CHMP1B: variants seen among roughly 807,000 people sequenced by gnomAD.
The protein encoded by CHMP1B is charged multivesicular body protein 1B.
CHMP1B carries 5 observed loss-of-function variants against 11.5 expected under a neutral mutation model. The observed-to-expected ratio is 0.43, with a 90% CI of 0.23 to 0.91. The LOEUF is 0.91. CHMP1B is among the 40% of genes least tolerant of loss of function. CHMP1B has a pLI of 0.25. For missense variants in CHMP1B, 246 were observed against 261.2 expected, an observed-to-expected ratio of 0.94 and a Z score of 0.40; for synonymous variants, 105 against 105.7, an observed-to-expected ratio of 0.99 and a Z score of 0.04.
rs773575712 is a variant in CHMP1B, at chr18:11,852,191, T to A, written c.*80T>A. 7.6e-6 allele frequency: 11 copies of A among 1,440,344 alleles called. No individual in the cohort carries two copies. The Admixed American group carries it at 8.3e-5, about 11-fold the overall frequency. The allele number at this position is 1,440,344 out of a possible 1,614,324, so 89.2% of individuals were successfully genotyped here. On this transcript the variant is annotated 3_prime_UTR_variant, in exon 1 of 1. Coordinates refer to ENST00000526991, the MANE Select transcript of CHMP1B (RefSeq NM_020412.5). ...TGTGTGTTAGAGAGATACTATACCC[T>A]AGAAACTCTGAACACGCCAGAATGC...
chr18:11,852,167 G>A lies in CHMP1B; in HGVS notation c.*56G>A, dbSNP rs2035889514. On this transcript the variant is annotated 3_prime_UTR_variant, in exon 1 of 1. Transcript: ENST00000526991. ...ATAGCCACCCTTTGAAATGCTCTCT[G>A]TGTGTTAGAGAGATACTATACCCTA... 1.3e-6 allele frequency: 2 copies of A among 1,489,324 alleles called. No individual in the cohort carries two copies. The highest frequency in any genetic ancestry group is 1.4e-5 in the African/African-American group (1 of 71,270). 92.3% of individuals were successfully genotyped at this position (1,489,324 alleles called of 1,614,324 possible). A position where few individuals can be genotyped will look rare whatever the true frequency, so the allele number is the denominator to read the frequency against.
At position 11,851,422 on chromosome 18, in the gene CHMP1B, G is replaced by A. The variant is rs2035860724; in HGVS notation, c.-90G>A. 1.4e-6 allele frequency: 2 copies of A among 1,411,804 alleles called. No homozygotes were observed. Among genetic ancestry groups the A allele is most frequent in the Non-Finnish European group, 9.3e-7 (1 of 1,075,942 alleles). 87.5% of individuals were successfully genotyped at this position (1,411,804 alleles called of 1,614,324 possible). A position where few individuals can be genotyped will look rare whatever the true frequency, so the allele number is the denominator to read the frequency against. ...AAACAGGAAGTGGGACCAAAACAAAGGAGCGGCGGCCGGGAGCGGACTTAC... is the reference window on the plus strand; with the variant it reads ...AAACAGGAAGTGGGACCAAAACAAAAGAGCGGCGGCCGGGAGCGGACTTAC... On this transcript the variant is annotated 5_prime_UTR_variant, in exon 1 of 1. Coordinates refer to ENST00000526991, the MANE Select transcript of CHMP1B (RefSeq NM_020412.5).
rs2035889514 is a variant in CHMP1B at position 11,852,167 on chromosome 18, G to C, written c.*56G>C. Reference sequence around the variant, plus strand: ...ATAGCCACCCTTTGAAATGCTCTCTGTGTGTTAGAGAGATACTATACCCTA... The same window carrying C: ...ATAGCCACCCTTTGAAATGCTCTCTCTGTGTTAGAGAGATACTATACCCTA... On this transcript the variant is annotated 3_prime_UTR_variant, in exon 1 of 1. Transcript: ENST00000526991. 2.0e-6 allele frequency: 3 copies of C among 1,489,442 alleles called. No homozygotes were observed. The highest frequency in any genetic ancestry group is 2.7e-6 in the Non-Finnish European group (3 of 1,115,942). The allele number at this position is 1,489,442 out of a possible 1,614,324, so 92.3% of individuals were successfully genotyped here.
chr18:11,852,326 G>T lies in CHMP1B; in HGVS notation c.*215G>T, dbSNP rs1309311588. On this transcript the variant is annotated 3_prime_UTR_variant, in exon 1 of 1. Coordinates refer to ENST00000526991, the MANE Select transcript of CHMP1B (RefSeq NM_020412.5). ...AAAGTTCTGTATAGCTCGTAATGAT[G>T]GTATTTTTATAGCAGCCTTTTAACA... is the stretch of plus-strand genomic sequence containing the variant. 2 of 563,234 alleles carry T rather than the reference G, an allele frequency of 3.6e-6. No individual in the cohort carries two copies. The highest frequency in any genetic ancestry group is 2.8e-5 in the South Asian group (1 of 36,348). 34.9% of individuals were successfully genotyped at this position (563,234 alleles called of 1,614,324 possible).
In CHMP1B at chr18:11,852,300, T is replaced by A; in HGVS notation, c.*189T>A. ...TATTTCTGCACTCTTAGCTGGATTC[T>A]AAAGTTCTGTATAGCTCGTAATGAT... On this transcript the variant is annotated 3_prime_UTR_variant, in exon 1 of 1. Coordinates refer to ENST00000526991, the MANE Select transcript of CHMP1B (RefSeq NM_020412.5). 1 of 669,654 alleles carries A rather than the reference T, an allele frequency of 1.5e-6. No individual in the cohort carries two copies. Among genetic ancestry groups the A allele is most frequent in the Non-Finnish European group, 2.5e-6 (1 of 395,258 alleles). 41.5% of individuals were successfully genotyped at this position (669,654 alleles called of 1,614,324 possible). A position where few individuals can be genotyped will look rare whatever the true frequency, so the allele number is the denominator to read the frequency against.
In CHMP1B at chr18:11,851,826, C is replaced by T. The variant is rs1455292566; in HGVS notation, c.315C>T (p.Thr105=). The change falls in exon 1 of 1, where the codon ACC becomes ACT. Residue 105 remains threonine, a synonymous_variant. Coordinates refer to ENST00000526991, the MANE Select transcript of CHMP1B (RefSeq NM_020412.5). ...VVKSMDATLK[T]MNLEKISALM... ...AGTCGATGGATGCGACATTGAAGAC[C>T]ATGAATCTGGAGAAGATTTCTGCTT... 6 of 1,613,820 alleles carry T rather than the reference C, an allele frequency of 3.7e-6. No individual in the cohort carries two copies. Among genetic ancestry groups the T allele is most frequent in the Non-Finnish European group, 4.2e-6 (5 of 1,179,896 alleles).
Position 11,852,112 on chromosome 18 carries a change from C to G in CHMP1B, c.*1C>G. ...GGCCCGCCTTCGGGATCAAGTGTGA[C>G]GGCAGAACCCGCTCTGAGGTTTCCT... On this transcript the variant is annotated 3_prime_UTR_variant, in exon 1 of 1. Coordinates refer to ENST00000526991, the MANE Select transcript of CHMP1B (RefSeq NM_020412.5). 1 of 1,587,500 alleles carries G rather than the reference C, an allele frequency of 6.3e-7. No homozygotes were observed. Among genetic ancestry groups the G allele is most frequent in the Non-Finnish European group, 8.6e-7 (1 of 1,166,320 alleles).
Position 11,853,331 on chromosome 18 carries a change from A to G in CHMP1B, c.*1220A>G, listed in dbSNP as rs578003910. On this transcript the variant is annotated 3_prime_UTR_variant, in exon 1 of 1. Transcript: ENST00000526991. ...CTAGAGCCCAGCTGTGCTGCCTGCC[A>G]TCTTCTCAGGAATGGCAGTGCGTAT... 6.8e-4 allele frequency: 114 copies of G among 167,248 alleles called. No individual in the cohort carries two copies. The highest frequency in any genetic ancestry group is 2.6e-3 in the African/African-American group (110 of 41,586). The allele number at this position is 167,248 out of a possible 1,614,324, so 10.4% of individuals were successfully genotyped here. A position where few individuals can be genotyped will look rare whatever the true frequency, so the allele number is the denominator to read the frequency against.
chr18:11,852,972 A>G lies in CHMP1B; in HGVS notation c.*861A>G, dbSNP rs2035916118. On this transcript the variant is annotated 3_prime_UTR_variant, in exon 1 of 1. Coordinates refer to ENST00000526991, the MANE Select transcript of CHMP1B (RefSeq NM_020412.5). Reference sequence around the variant, plus strand: ...GTTTCAACACTATTAGAAGTCTTATAAATTATGCTAATTAGCATGGCAGTC... The same window carrying G: ...GTTTCAACACTATTAGAAGTCTTATGAATTATGCTAATTAGCATGGCAGTC... The G allele has an allele frequency of 6.0e-6, 1 of 167,108 alleles. No individual in the cohort carries two copies. Among genetic ancestry groups the G allele is most frequent in the Non-Finnish European group, 1.5e-5 (1 of 68,132 alleles). 10.4% of individuals were successfully genotyped at this position (167,108 alleles called of 1,614,324 possible).
rs2035877093 is a variant in CHMP1B, at chr18:11,851,836, GAGA to G, written c.329_331del (p.Lys110del). 3.7e-6 allele frequency: 6 copies of G among 1,613,984 alleles called. No homozygotes were observed. Among genetic ancestry groups the G allele is most frequent in the South Asian group, 3.3e-5 (3 of 91,084 alleles). On this transcript the variant is annotated inframe_deletion, in exon 1 of 1. Coordinates refer to ENST00000526991, the MANE Select transcript of CHMP1B (RefSeq NM_020412.5). ...TGCGACATTGAAGACCATGAATCTG[GAGA>G]AGATTTCTGCTTTGATGGACAAATT... is the stretch of plus-strand genomic sequence containing the variant.
At position 11,851,719 on chromosome 18, in the gene CHMP1B, G is replaced by A. The variant is rs1376895764; in HGVS notation, c.208G>A (p.Ala70Thr). The change falls in exon 1 of 1, where the codon GCG becomes ACG. Residue 70 changes from alanine (A) to threonine (T), a missense_variant. Transcript: ENST00000526991. ...NQAVNFLRMS[A>T]RVDAVAARVQ... is the part of the protein sequence containing the mutation. ...GGCGGTGAATTTCTTGAGAATGAGT[G>A]CGCGAGTCGATGCAGTGGCTGCCAG... The A allele has an allele frequency of 6.2e-7, 1 of 1,614,038 alleles. No individual in the cohort carries two copies.
rs2035914024 is a variant in CHMP1B at position 11,852,886 on chromosome 18, G to C, written c.*775G>C. 1.2e-5 allele frequency: 2 copies of C among 166,954 alleles called. No homozygotes were observed. The highest frequency in any genetic ancestry group is 1.3e-4 in the Admixed American group (2 of 15,276). The allele number at this position is 166,954 out of a possible 1,614,324, so 10.3% of individuals were successfully genotyped here. ...TAAATTGAGTTTTTAAAAAGACTTAGTGTGACATTTGACAGTGTCTTTCAA... is the reference window on the plus strand; with the variant it reads ...TAAATTGAGTTTTTAAAAAGACTTACTGTGACATTTGACAGTGTCTTTCAA... On this transcript the variant is annotated 3_prime_UTR_variant, in exon 1 of 1. Transcript: ENST00000526991.
rs1486375956 is a variant in CHMP1B, at chr18:11,854,258, A to G, written c.*2147A>G. The G allele has an allele frequency of 1.2e-5, 2 of 167,088 alleles. No homozygotes were observed. The highest frequency in any genetic ancestry group is 2.9e-5 in the Non-Finnish European group (2 of 68,132). The allele number at this position is 167,088 out of a possible 1,614,324, so 10.4% of individuals were successfully genotyped here. On this transcript the variant is annotated 3_prime_UTR_variant, in exon 1 of 1. Coordinates refer to ENST00000526991, the MANE Select transcript of CHMP1B (RefSeq NM_020412.5). ...ATTAATATATTTTGTGAGATTAAACAATGCTTGTATATGCTTGAACTTTCT... is the reference window on the plus strand; with the variant it reads ...ATTAATATATTTTGTGAGATTAAACGATGCTTGTATATGCTTGAACTTTCT...
In CHMP1B at chr18:11,851,440, G is replaced by C. The variant is rs2035862215; in HGVS notation, c.-72G>C. On this transcript the variant is annotated 5_prime_UTR_variant, in exon 1 of 1. Transcript: ENST00000526991. Reference sequence around the variant, plus strand: ...AAACAAAGGAGCGGCGGCCGGGAGCGGACTTACCTTACCTTCTCTGCCTTC... The same window carrying C: ...AAACAAAGGAGCGGCGGCCGGGAGCCGACTTACCTTACCTTCTCTGCCTTC... 2.1e-6 allele frequency: 3 copies of C among 1,450,870 alleles called. No homozygotes were observed. The highest frequency in any genetic ancestry group is 5.7e-5 in the Admixed American group (2 of 35,314). 89.9% of individuals were successfully genotyped at this position (1,450,870 alleles called of 1,614,324 possible).
Position 11,852,286 on chromosome 18 carries a change from T to C in CHMP1B, c.*175T>C, listed in dbSNP as rs1219953245. 4.0e-6 allele frequency: 3 copies of C among 751,382 alleles called. No homozygotes were observed. Among genetic ancestry groups the C allele is most frequent in the African/African-American group, 1.8e-5 (1 of 56,462 alleles). 46.5% of individuals were successfully genotyped at this position (751,382 alleles called of 1,614,324 possible). ...ATTAAGAAATTCAGTATTTCTGCAC[T>C]CTTAGCTGGATTCTAAAGTTCTGTA... On this transcript the variant is annotated 3_prime_UTR_variant, in exon 1 of 1. Transcript: ENST00000526991.
chr18:11,851,796 G>C lies in CHMP1B; in HGVS notation c.285G>C (p.Val95=). The C allele has an allele frequency of 6.2e-7, 1 of 1,613,976 alleles. No individual in the cohort carries two copies. Among genetic ancestry groups the C allele is most frequent in the Non-Finnish European group, 8.5e-7 (1 of 1,179,908 alleles). ...AGGTGACCAAGTCGATGGCTGGTGTGGTTAAGTCGATGGATGCGACATTGA... is the reference window on the plus strand; with the variant it reads ...AGGTGACCAAGTCGATGGCTGGTGTCGTTAAGTCGATGGATGCGACATTGA... ...MGKVTKSMAG[V]VKSMDATLKT... is the part of the protein sequence containing the mutation. Residue 95 remains valine, a synonymous_variant, in exon 1 of 1, where the codon GTG becomes GTC. Transcript: ENST00000526991.
In CHMP1B at chr18:11,851,682, C is replaced by T. The variant is rs560442928; in HGVS notation, c.171C>T (p.Arg57=). ...GGATACACGCCGAAAATGCCATCCG[C>T]CAGAAGAACCAGGCGGTGAATTTCT... ...VARIHAENAI[R]QKNQAVNFLR... Residue 57 remains arginine, a synonymous_variant, in exon 1 of 1, where the codon CGC becomes CGT. Coordinates refer to ENST00000526991, the MANE Select transcript of CHMP1B (RefSeq NM_020412.5). 3.5e-5 allele frequency: 56 copies of T among 1,614,006 alleles called. No individual in the cohort carries two copies. In the Admixed American group the frequency reaches 9.3e-4, roughly 27 times the overall value.
At position 11,851,548 on chromosome 18, in the gene CHMP1B, T is replaced by A. The variant is rs779354092; in HGVS notation, c.37T>A (p.Phe13Ile). Residue 13 changes from phenylalanine to isoleucine, a missense_variant, in exon 1 of 1, where the codon TTC becomes ATC. Physicochemically the swap from Phe to Ile is conservative, Grantham distance 21 (BLOSUM62 0). Transcript: ENST00000526991. ...GGAGAAACACCTGTTCAACCTGAAG[T>A]TCGCGGCCAAAGAACTGAGTAGGAG... Reference protein sequence around the residue: ...NMEKHLFNLKFAAKELSRSAK... With the variant: ...NMEKHLFNLKIAAKELSRSAK... 32 of 1,607,902 alleles carry A rather than the reference T, an allele frequency of 2.0e-5. No homozygotes were observed. Among genetic ancestry groups the A allele is most frequent in the Non-Finnish European group, 2.2e-5 (26 of 1,177,618 alleles).
In CHMP1B at chr18:11,852,953, A is replaced by G. The variant is rs997681211; in HGVS notation, c.*842A>G. 1.2e-5 allele frequency: 2 copies of G among 167,010 alleles called. No individual in the cohort carries two copies. The highest frequency in any genetic ancestry group is 4.8e-5 in the African/African-American group (2 of 41,452). The allele number at this position is 167,010 out of a possible 1,614,324, so 10.3% of individuals were successfully genotyped here. A position where few individuals can be genotyped will look rare whatever the true frequency, so the allele number is the denominator to read the frequency against. Reference sequence around the variant, plus strand: ...AGTTTATAGTTATTTTCCTGTTTCAACACTATTAGAAGTCTTATAAATTAT... The same window carrying G: ...AGTTTATAGTTATTTTCCTGTTTCAGCACTATTAGAAGTCTTATAAATTAT... On this transcript the variant is annotated 3_prime_UTR_variant, in exon 1 of 1. Transcript: ENST00000526991.
Sources: allele counts gnomAD v4.1 joint callset, GRCh38; gene constraint gnomAD v4.1.1; transcripts MANE v1.5; gene names NCBI Gene and HGNC (gene_info 2026-07-23, HGNC 2026-07-21).